The following RHOJ variants were observed in gnomAD, a reference collection of about 807,000 sequenced individuals.
RHOJ encodes ras homolog family member J.
RHOJ carries 11 observed loss-of-function variants against 23.4 expected under a neutral mutation model. The observed-to-expected ratio is 0.47, with a 90% CI of 0.30 to 0.78. The LOEUF is 0.78. RHOJ is among the 30% of genes least tolerant of loss of function. RHOJ has a pLI of 0.08. For synonymous variants in RHOJ, 102 were observed against 102.7 expected (o/e 0.99, Z 0.04); for missense variants, 254 against 273.4 (o/e 0.93, Z 0.50).
At chr14:63,236,653 T>C (rs1484327517) in intron 1 of RHOJ, among the ~76,000 whole-genome samples, 1 of 152,032 alleles carries the variant, frequency 6.6e-6, no homozygotes, top group Non-Finnish European at 1.5e-5. Context: ...AGGACATAGT[T>C]AAACCAACCC....
chr14:63,286,745 C>T (rs1882095001), intron 4 of RHOJ, among the ~76,000 whole-genome samples: 1 of 152,072 alleles, frequency 6.6e-6, no homozygotes, highest in South Asian at 2.1e-4. Flanking sequence ...TGCCACAATC[C>T]CCACCACTCC....
At chr14:63,242,636 C>G (rs1051199360) in intron 1 of RHOJ, among the ~76,000 whole-genome samples, 3 of 152,110 alleles carry the variant, frequency 2.0e-5, no homozygotes, top group Non-Finnish European at 2.9e-5. Flanking sequence ...TTCTCTGTGC[C>G]TCACTGCTCA....
chr14:63,285,593 C>T (rs374943797), intron 4 of RHOJ, among the ~76,000 whole-genome samples: 13 of 152,290 alleles, frequency 8.5e-5, no homozygotes, highest in African/African-American at 2.9e-4. Flanking sequence ...CCAAAGTCAA[C>T]CACATTTACA....
chr14:63,269,385 A>G, intron 2 of RHOJ: 1 of 425,904 alleles, frequency 2.3e-6, no homozygotes, highest in Non-Finnish European at 4.2e-6. Flanking sequence ...ATTGATAGGT[A>G]AATAATGATT....
At position 63,292,175 on chromosome 14, in the gene RHOJ, A is replaced by C. The variant is rs1882273670; in HGVS notation, c.*1151A>C. Reference sequence around the variant, plus strand: ...TGTAAGTTCTCATTCCATGTAAATGACATTTTCCAGTTACAACTGGTACTG... The same window carrying C: ...TGTAAGTTCTCATTCCATGTAAATGCCATTTTCCAGTTACAACTGGTACTG... On this transcript the variant is annotated 3_prime_UTR_variant, in exon 5 of 5. Transcript: ENST00000316754. The C allele has an allele frequency of 6.6e-6, 1 of 152,144 alleles. No individual in the cohort carries two copies. Among genetic ancestry groups the C allele is most frequent in the African/African-American group, 2.4e-5 (1 of 41,436 alleles). 9.4% of individuals were successfully genotyped at this position (152,144 alleles called of 1,614,324 possible).
Position 63,261,669 on chromosome 14 carries a change from G to C in RHOJ, c.179-7441G>C, listed in dbSNP as rs1010697355. ...TTTCCCAGGCTGGTCTCAAACTCTT[G>C]AGCTTAAGCAATCCTCCTGCCTCAG... is the stretch of plus-strand genomic sequence containing the variant. On this transcript the variant is annotated intron_variant, in intron 1 of 4. Coordinates refer to ENST00000316754, the MANE Select transcript of RHOJ (RefSeq NM_020663.5). 4.6e-5 allele frequency among the ~76,000 whole-genome samples: 7 copies of C among 150,558 alleles called. No homozygotes were observed. In the East Asian group the frequency reaches 7.8e-4, roughly 17 times the overall value.
At chr14:63,262,153 C>T (rs17100932) in intron 1 of RHOJ, among the ~76,000 whole-genome samples, 43,044 of 152,106 alleles carry the variant, frequency 0.28, 7,461 homozygotes, top group African/African-American at 0.49. Context: ...AGACCACTCT[C>T]GGCAGCTGAG....
chr14:63,260,154 A>C (rs919324334), intron 1 of RHOJ, among the ~76,000 whole-genome samples: 26 of 152,326 alleles, frequency 1.7e-4, no homozygotes, highest in Non-Finnish European at 2.6e-4. Context: ...TATAGCTCAT[A>C]TATTTCTTTC....
At chr14:63,255,090 A>G (rs774914133) in intron 1 of RHOJ, among the ~76,000 whole-genome samples, 3 of 152,016 alleles carry the variant, frequency 2.0e-5, no homozygotes, top group Non-Finnish European at 4.4e-5. Context: ...TCCAAGACCT[A>G]AGGTTACTTT....
chr14:63,213,194 C>T (rs1362993633), intron 1 of RHOJ, among the ~76,000 whole-genome samples: 2 of 152,204 alleles, frequency 1.3e-5, no homozygotes, highest in Non-Finnish European at 2.9e-5. Context: ...GGGTATATTG[C>T]ATGATGCTGA....
At position 63,248,262 on chromosome 14, in the gene RHOJ, A is replaced by T. The variant is rs539461941; in HGVS notation, c.179-20848A>T. ...AATGGGGGCAAAATTTTGATAATTT[A>T]TGTCAAGGCAAATGCAACTAAAAGA... On this transcript the variant is annotated intron_variant, in intron 1 of 4. Coordinates refer to ENST00000316754, the MANE Select transcript of RHOJ (RefSeq NM_020663.5). Among the ~76,000 whole-genome samples the T allele has an allele frequency of 2.6e-5, 4 of 152,334 alleles. No individual in the cohort carries two copies. In the South Asian group the frequency reaches 8.3e-4, roughly 32 times the overall value.
chr14:63,212,862 T>C (rs898553805), intron 1 of RHOJ, among the ~76,000 whole-genome samples: 1 of 152,220 alleles, frequency 6.6e-6, no homozygotes, highest in African/African-American at 2.4e-5. Context: ...GGTCTCTTCA[T>C]AGAGTGCTAT....
At chr14:63,236,000 C>T (rs750876589) in intron 1 of RHOJ, among the ~76,000 whole-genome samples, 1 of 152,238 alleles carries the variant, frequency 6.6e-6, no homozygotes, top group African/African-American at 2.4e-5. Flanking sequence ...AGAAATTCTC[C>T]ATCCTTAAAT....
intron 1 of RHOJ, among the ~76,000 whole-genome samples, chr14:63,224,418 C>T (rs1024932148): frequency 1.3e-5 from 2 of 152,122 alleles, no homozygotes; most frequent in African/African-American, 4.8e-5. Context: ...AGAAATGCCT[C>T]CAAGCTGTTT....
intron 1 of RHOJ, among the ~76,000 whole-genome samples, chr14:63,249,704 G>A (rs1343021966): frequency 6.6e-6 from 1 of 152,158 alleles, no homozygotes; most frequent in Non-Finnish European, 1.5e-5. Context: ...AAGCTTATAT[G>A]TTATACCTCA....
intron 1 of RHOJ, among the ~76,000 whole-genome samples, chr14:63,237,268 A>G (rs1594760144): frequency 6.6e-6 from 1 of 152,282 alleles, no homozygotes; most frequent in Middle Eastern, 3.4e-3. Flanking sequence ...AGGAGCTTGG[A>G]CCCGTATGAA....
At chr14:63,214,624 G>A (rs1894313054) in intron 1 of RHOJ, among the ~76,000 whole-genome samples, 1 of 152,134 alleles carries the variant, frequency 6.6e-6, no homozygotes, top group African/African-American at 2.4e-5. Flanking sequence ...GGCATAGAGA[G>A]CTCCTGGAAG....
intron 1 of RHOJ, among the ~76,000 whole-genome samples, chr14:63,251,776 A>G (rs921268755): frequency 6.6e-6 from 1 of 152,190 alleles, no homozygotes; most frequent in Non-Finnish European, 1.5e-5. Flanking sequence ...TTCATTTTCT[A>G]CTGCTTCTGT....
intron 2 of RHOJ, among the ~76,000 whole-genome samples, chr14:63,280,541 C>A (rs945912927): frequency 1.3e-5 from 2 of 151,872 alleles, no homozygotes; most frequent in South Asian, 4.2e-4. Flanking sequence ...GTCCTCTCAC[C>A]GTAAAATATA....
Sources: gnomAD v4.1 joint callset for allele counts (sites outside exome capture counted in the v4.1 genomes callset) on GRCh38, gnomAD v4.1.1 for gene constraint, MANE v1.5 for transcripts, NCBI Gene and HGNC (gene_info 2026-07-23, HGNC 2026-07-21) for gene names.